The following BNC2 variants were observed in gnomAD, a reference collection of about 807,000 sequenced individuals.
BNC2 encodes the protein basonuclin zinc finger protein 2.
In BNC2, 20 loss-of-function variants were observed where a neutral mutation model predicts 76.3. The ratio of observed to expected loss-of-function variants is 0.26; its 90% CI spans 0.18 to 0.38. BNC2 has a LOEUF of 0.38. Ranked by LOEUF, BNC2 falls within the 10% of genes least tolerant of loss-of-function variation. The probability of loss-of-function intolerance (pLI) is 1.00; values close to 1 mark genes in which losing one functional copy is unlikely to be tolerated. For missense variants in BNC2, 1,382 were observed against 1,399.8 expected (o/e 0.99, Z 0.20); for synonymous variants, 582 against 514.8 (o/e 1.13, Z -1.77).
chr9:16,669,966 T>C (rs1344660298), intron 3 of BNC2, among the ~76,000 whole-genome samples: 1 of 152,230 alleles, frequency 6.6e-6, no homozygotes. Flanking sequence ...AATAAAAATA[T>C]GTAACTACAA....
intron 5 of BNC2, among the ~76,000 whole-genome samples, chr9:16,443,217 T>A (rs999333947): frequency 2.0e-5 from 3 of 152,158 alleles, no homozygotes; most frequent in African/African-American, 7.2e-5. Flanking sequence ...TTGATATAAC[T>A]GTAGAGCTTT....
chr9:16,441,766 T>A (rs571484725), intron 5 of BNC2, among the ~76,000 whole-genome samples: 1 of 152,342 alleles, frequency 6.6e-6, no homozygotes, highest in African/African-American at 2.4e-5. Context: ...TTTTAGTCAA[T>A]TTATTTTTAT....
At chr9:16,576,000 G>C (rs1241128674) in intron 4 of BNC2, among the ~76,000 whole-genome samples, 1 of 152,178 alleles carries the variant, frequency 6.6e-6, no homozygotes, top group African/African-American at 2.4e-5. Context: ...GGAAGAAGAC[G>C]ATAGTGTTTC....
At chr9:16,760,565 G>C (rs149470822) in intron 1 of BNC2, among the ~76,000 whole-genome samples, 66 of 152,224 alleles carry the variant, frequency 4.3e-4, no homozygotes, top group African/African-American at 1.6e-3. Context: ...AGCAACTACA[G>C]GGATATGAAT....
chr9:16,664,872 A>AG (rs1207126053), intron 3 of BNC2, among the ~76,000 whole-genome samples: 1 of 20,114 alleles, frequency 5.0e-5, no homozygotes, highest in Non-Finnish European at 1.3e-4. Flanking sequence ...CACCTATACC[A>AG]TAAGCATTGT....
At chr9:16,515,833 C>T (rs898597440) in intron 5 of BNC2, among the ~76,000 whole-genome samples, 7 of 146,112 alleles carry the variant, frequency 4.8e-5, no homozygotes, top group African/African-American at 1.5e-4. Context: ...TATATATATA[C>T]ATCTCATTGC....
At chr9:16,868,112 C>T (rs1819587700) in intron 1 of BNC2, 1 of 152,132 alleles carries the variant, frequency 6.6e-6, no homozygotes, top group African/African-American at 2.4e-5. Flanking sequence ...GAAAAGACGA[C>T]ACAGCATTGA....
intron 5 of BNC2, among the ~76,000 whole-genome samples, chr9:16,477,062 AG>A (rs1403137301): frequency 6.6e-6 from 1 of 152,166 alleles, no homozygotes; most frequent in Non-Finnish European, 1.5e-5. Flanking sequence ...AGAAAAGGAG[AG>A]GACAGGAAGA....
intron 1 of BNC2, among the ~76,000 whole-genome samples, chr9:16,773,823 C>T (rs147600475): frequency 1.4e-4 from 21 of 152,204 alleles, no homozygotes; most frequent in Middle Eastern, 6.8e-3. Flanking sequence ...TTTCCCTTTG[C>T]GCATTTTCTA....
chr9:16,603,328 G>A (rs1820294925), intron 3 of BNC2, among the ~76,000 whole-genome samples: 1 of 152,090 alleles, frequency 6.6e-6, no homozygotes, highest in Non-Finnish European at 1.5e-5. Context: ...TGTTATACAA[G>A]AAAACTTGTA....
At chr9:16,808,749 A>G (rs916597274) in intron 1 of BNC2, among the ~76,000 whole-genome samples, 3 of 151,972 alleles carry the variant, frequency 2.0e-5, no homozygotes, top group Non-Finnish European at 4.4e-5. Context: ...GAAAAAAATA[A>G]GAGTAGCTAC....
At chr9:16,450,114 T>C (rs752607112) in intron 5 of BNC2, among the ~76,000 whole-genome samples, 3 of 152,196 alleles carry the variant, frequency 2.0e-5, no homozygotes, top group Non-Finnish European at 4.4e-5. Flanking sequence ...CATTGATGCA[T>C]TTTTAAACAT....
chr9:16,870,429 T>C (rs1009544305), intron 1 of BNC2, among the ~76,000 whole-genome samples: 5 of 151,676 alleles, frequency 3.3e-5, no homozygotes, highest in African/African-American at 4.8e-5. Context: ...CCTCAGAAAC[T>C]TGGGGCCAAG....
chr9:16,695,381 C>T (rs1205064697), intron 3 of BNC2, among the ~76,000 whole-genome samples: 1 of 152,068 alleles, frequency 6.6e-6, no homozygotes, highest in Admixed American at 6.5e-5. Context: ...TCGCTGCAAC[C>T]TTAAACTCCT....
chr9:16,750,280 A>G (rs921036032), intron 1 of BNC2, among the ~76,000 whole-genome samples: 2 of 152,208 alleles, frequency 1.3e-5, no homozygotes, highest in African/African-American at 4.8e-5. Flanking sequence ...CATGTACTAT[A>G]CAGTTAAAAT....
At chr9:16,576,934 C>T (rs1171247912) in intron 4 of BNC2, among the ~76,000 whole-genome samples, 3 of 152,172 alleles carry the variant, frequency 2.0e-5, no homozygotes, top group Non-Finnish European at 4.4e-5. Flanking sequence ...GACGGGGTTT[C>T]ACCATGTTGG....
rs541822058 is a variant in BNC2 at position 16,689,871 on chromosome 9, T to G, written c.330+37926A>C. Among the ~76,000 whole-genome samples, 4 of 152,158 alleles carry G rather than the reference T, an allele frequency of 2.6e-5. No individual in the cohort carries two copies. In the East Asian group the frequency reaches 7.7e-4, roughly 29 times the overall value. The stretch of plus-strand genomic sequence containing the variant: ...CCATCAAGTGAAATAGATTTGACAA[T>G]AAGCTCACCAGGAGTCCCTGTGAGA... On this transcript the variant is annotated intron_variant, in intron 3 of 6. Coordinates refer to ENST00000380672, the MANE Select transcript of BNC2 (RefSeq NM_017637.6).
chr9:16,846,091 G>C (rs1292669271), intron 1 of BNC2, among the ~76,000 whole-genome samples: 1 of 148,376 alleles, frequency 6.7e-6, no homozygotes, highest in Admixed American at 6.8e-5. Context: ...ACTGACCCCA[G>C]ATCGCGCCAC....
intron 3 of BNC2, among the ~76,000 whole-genome samples, chr9:16,677,916 A>G (rs1822700675): frequency 6.6e-6 from 1 of 152,208 alleles, no homozygotes; most frequent in African/African-American, 2.4e-5. Flanking sequence ...TAAATTTTAT[A>G]ATTTTACAAA....
Sources: gnomAD v4.1 joint callset for allele counts (sites outside exome capture counted in the v4.1 genomes callset) on GRCh38, gnomAD v4.1.1 for gene constraint, MANE v1.5 for transcripts, NCBI Gene and HGNC (gene_info 2026-07-23, HGNC 2026-07-21) for gene names.